ZSCAN5A: variants seen among roughly 807,000 people sequenced by gnomAD.
The protein encoded by ZSCAN5A is zinc finger and SCAN domain containing 5A.
ZSCAN5A carries 12 observed loss-of-function variants against 23.7 expected under a neutral mutation model. That is an observed-to-expected ratio of 0.51 (90% CI 0.32 to 0.82). ZSCAN5A has a LOEUF of 0.82. Among genes scored for constraint, ZSCAN5A ranks in the 40% least tolerant of loss-of-function variants. ZSCAN5A has a pLI of 0.03. For missense variants in ZSCAN5A, 597 were observed against 617.9 expected (o/e 0.97, Z 0.36); for synonymous variants, 257 against 239.9 (o/e 1.07, Z -0.66).
At chr19:56,333,897 A>G (rs1189214010) in intron 2 of ZSCAN5A, among the ~76,000 whole-genome samples, 1 of 151,980 alleles carries the variant, frequency 6.6e-6, no homozygotes, top group African/African-American at 2.4e-5. Flanking sequence ...CATGAAAATA[A>G]TTACAAAAAT....
chr19:56,321,127 G>T, intron 2 of ZSCAN5A: 1 of 671,478 alleles, frequency 1.5e-6, no homozygotes, highest in South Asian at 1.5e-5. Context: ...GCTCCACGCT[G>T]CTAGGATGTC....
intron 2 of ZSCAN5A, chr19:56,321,150 A>C: frequency 1.5e-6 from 1 of 659,554 alleles, no homozygotes; most frequent in Non-Finnish European, 2.9e-6. Flanking sequence ...CCCTCTTCTC[A>C]CCTCAACATC....
chr19:56,254,031 TCTAA>T (rs1216531469), intron 2 of ZSCAN5A, among the ~76,000 whole-genome samples: 1 of 151,628 alleles, frequency 6.6e-6, no homozygotes, highest in Non-Finnish European at 1.5e-5. Context: ...GAAAAGGTTA[TCTAA>T]CTGATATACC....
chr19:56,353,112 C>T (rs1235419968), intron 2 of ZSCAN5A, among the ~76,000 whole-genome samples: 11 of 152,094 alleles, frequency 7.2e-5, no homozygotes, highest in Admixed American at 1.3e-4. Context: ...AGCTGAGAAC[C>T]GCATGGATGA....
intron 2 of ZSCAN5A, among the ~76,000 whole-genome samples, chr19:56,304,464 C>G (rs1168882957): frequency 6.6e-6 from 1 of 152,194 alleles, no homozygotes; most frequent in Non-Finnish European, 1.5e-5. Context: ...ACTCAACCTG[C>G]CATACGGCCC....
At chr19:56,265,229 A>C (rs1048719170) in intron 2 of ZSCAN5A, among the ~76,000 whole-genome samples, 1 of 151,800 alleles carries the variant, frequency 6.6e-6, no homozygotes, top group East Asian at 1.9e-4. Context: ...ATTACAAAAA[A>C]ACCATTCTCA....
chr19:56,356,404 C>T (rs536798376), intron 2 of ZSCAN5A, among the ~76,000 whole-genome samples: 14 of 148,522 alleles, frequency 9.4e-5, no homozygotes, highest in African/African-American at 3.0e-4. Context: ...GTAATATATA[C>T]GTATCAATCT....
chr19:56,325,117 G>T (rs2041420693), intron 2 of ZSCAN5A, among the ~76,000 whole-genome samples: 1 of 152,210 alleles, frequency 6.6e-6, no homozygotes, highest in African/African-American at 2.4e-5. Context: ...CCATAGTCTG[G>T]TGAGTGTAAA....
At chr19:56,309,839 C>T (rs2040923489) in intron 2 of ZSCAN5A, among the ~76,000 whole-genome samples, 2 of 152,136 alleles carry the variant, frequency 1.3e-5, no homozygotes, top group Non-Finnish European at 2.9e-5. Context: ...CTAGAAGAGC[C>T]CTGCTCTGAG....
intron 2 of ZSCAN5A, among the ~76,000 whole-genome samples, chr19:56,360,234 T>C (rs1478958147): frequency 6.6e-6 from 1 of 152,096 alleles, no homozygotes. Context: ...AGTCTCAGGA[T>C]ACAAAACCAA....
chr19:56,347,936 T>G (rs2147456376), intron 2 of ZSCAN5A: 1 of 152,352 alleles, frequency 6.6e-6, no homozygotes, highest in South Asian at 2.1e-4. Flanking sequence ...AAGGTGCATC[T>G]GCTAGTTGCT....
chr19:56,221,629 C>T lies in ZSCAN5A; in HGVS notation c.1437G>A (p.Arg479=), dbSNP rs1441346322. 7 of 1,611,426 alleles carry T rather than the reference C, an allele frequency of 4.3e-6. 1 individual carries two copies. The South Asian group carries it at 4.4e-5, about 10-fold the overall frequency. Residue 479 remains arginine, a synonymous_variant, in exon 6 of 6, where the codon CGG becomes CGA. Transcript: ENST00000683990. ...KCSKCPRAFS[R]LKLLRRHQKT... is the part of the protein sequence containing the mutation. ...TCTGGTGGCGTCTTAACAATTTCAGCCGACTGAAGGCTCTTGGACACTTGG... is the reference window on the plus strand; with the variant it reads ...TCTGGTGGCGTCTTAACAATTTCAGTCGACTGAAGGCTCTTGGACACTTGG...
chr19:56,241,732 C>A (rs186443817), intron 2 of ZSCAN5A, among the ~76,000 whole-genome samples: 49 of 152,334 alleles, frequency 3.2e-4, no homozygotes, highest in African/African-American at 1.1e-3. Context: ...ATCTCCCCAA[C>A]CCCCATCCCA....
chr19:56,303,119 G>C (rs1001439074), intron 2 of ZSCAN5A: 3 of 377,684 alleles, frequency 7.9e-6, no homozygotes, highest in African/African-American at 6.2e-5. Flanking sequence ...AGGGGAAGCA[G>C]GGGAAGCATT....
intron 2 of ZSCAN5A, among the ~76,000 whole-genome samples, chr19:56,340,359 T>G (rs1372740231): frequency 6.6e-6 from 1 of 152,174 alleles, no homozygotes; most frequent in Non-Finnish European, 1.5e-5. Flanking sequence ...GCAGACGGAA[T>G]GAGAAAACTG....
intron 2 of ZSCAN5A, among the ~76,000 whole-genome samples, chr19:56,226,048 T>C (rs2033901773): frequency 6.6e-6 from 1 of 152,156 alleles, no homozygotes; most frequent in Non-Finnish European, 1.5e-5. Context: ...AGCCACTGAG[T>C]GATACTCTCC....
chr19:56,259,099 A>G (rs2036937102), intron 2 of ZSCAN5A, among the ~76,000 whole-genome samples: 1 of 152,198 alleles, frequency 6.6e-6, no homozygotes, highest in African/African-American at 2.4e-5. Context: ...CCTGACCCAC[A>G]GAGATACTAA....
intron 2 of ZSCAN5A, chr19:56,281,775 G>A (rs891289081): frequency 2.1e-5 from 18 of 869,802 alleles, no homozygotes; most frequent in Non-Finnish European, 2.3e-5. Context: ...ATGAAAGAGA[G>A]AGGCAAAACT....
chr19:56,228,769 G>C (rs1184135189), intron 2 of ZSCAN5A, among the ~76,000 whole-genome samples: 2 of 152,060 alleles, frequency 1.3e-5, no homozygotes, highest in East Asian at 3.9e-4. Flanking sequence ...CTGAAAAAAA[G>C]AGACAGTCTT....
Sources: gnomAD v4.1 joint callset for allele counts (sites outside exome capture counted in the v4.1 genomes callset) on GRCh38, gnomAD v4.1.1 for gene constraint, MANE v1.5 for transcripts, NCBI Gene and HGNC (gene_info 2026-07-23, HGNC 2026-07-21) for gene names.